PRR16: variants seen among roughly 807,000 people sequenced by gnomAD.
PRR16 encodes protein Largen.
PRR16 carries 6 observed loss-of-function variants against 18.2 expected under a neutral mutation model. The observed-to-expected ratio is 0.33, with a 90% CI of 0.18 to 0.65. PRR16 has a LOEUF of 0.65. Ranked by LOEUF, PRR16 falls within the 30% of genes least tolerant of loss-of-function variation. The pLI is 0.74. For missense variants in PRR16, 412 were observed against 376.6 expected (o/e 1.09, Z -0.78); for synonymous variants, 151 against 147.8 (o/e 1.02, Z -0.16).
the PRR16 span, among the ~76,000 whole-genome samples, chr5:120,739,811 C>T: frequency 6.6e-6 from 1 of 152,032 alleles, no homozygotes; most frequent in Non-Finnish European, 1.5e-5. Flanking sequence ...ATATTTTTAG[C>T]CTTCTAGAAA....
intron 1 of PRR16, among the ~76,000 whole-genome samples, chr5:120,548,005 AT>A (rs1295012426): frequency 6.6e-6 from 1 of 152,080 alleles, no homozygotes; most frequent in Non-Finnish European, 1.5e-5. Flanking sequence ...TAAATTATAG[AT>A]TTAGGATGAG....
intron 1 of PRR16, among the ~76,000 whole-genome samples, chr5:120,520,535 G>C (rs1259968570): frequency 6.6e-6 from 1 of 152,238 alleles, no homozygotes; most frequent in Non-Finnish European, 1.5e-5. Flanking sequence ...CCCAGGGTGA[G>C]AGAAACTCTT....
At chr5:120,756,274 C>A in the PRR16 span, among the ~76,000 whole-genome samples, 6 of 152,054 alleles carry the variant, frequency 3.9e-5, no homozygotes, top group African/African-American at 1.2e-4. Flanking sequence ...CCCTCTGATC[C>A]TTTTGTTACT....
the PRR16 span, among the ~76,000 whole-genome samples, chr5:120,736,311 T>A: frequency 6.6e-6 from 1 of 152,106 alleles, no homozygotes; most frequent in African/African-American, 2.4e-5. Flanking sequence ...GTCACCCAGG[T>A]TGGAGTGCAG....
intron 1 of PRR16, among the ~76,000 whole-genome samples, chr5:120,466,271 C>A (rs79490899): frequency 0.036 from 5,466 of 152,248 alleles, 141 homozygotes; most frequent in Non-Finnish European, 0.049. Context: ...CTTTGGTAGA[C>A]TGTGTTTTCA....
chr5:120,792,042 G>A, the PRR16 span, among the ~76,000 whole-genome samples: 2 of 152,122 alleles, frequency 1.3e-5, no homozygotes, highest in African/African-American at 4.8e-5. Flanking sequence ...CATCCATGAA[G>A]CAATCCATGC....
At chr5:120,716,214 C>T in the PRR16 span, among the ~76,000 whole-genome samples, 5 of 152,132 alleles carry the variant, frequency 3.3e-5, no homozygotes, top group Admixed American at 2.0e-4. Flanking sequence ...TCCAAATCTG[C>T]CACCCTCCTT....
At position 120,630,465 on chromosome 5, in the gene PRR16, C is replaced by T. The variant is rs376001965; in HGVS notation, c.160-55489C>T. Among the ~76,000 whole-genome samples the T allele has an allele frequency of 8.0e-4, 121 of 152,182 alleles. 3 individuals carry two copies. The South Asian group carries it at 0.022, about 28-fold the overall frequency. On this transcript the variant is annotated intron_variant, in intron 1 of 1. Coordinates refer to ENST00000407149, the MANE Select transcript of PRR16 (RefSeq NM_001300783.2). ...ACTTTCATCTACTCTGGCAGATGTT[C>T]CTGTGCTATTGCTACAGTCCACTGC...
intron 1 of PRR16, among the ~76,000 whole-genome samples, chr5:120,475,723 A>G (rs1045101644): frequency 1.1e-4 from 16 of 152,122 alleles, no homozygotes; most frequent in Non-Finnish European, 1.6e-4. Flanking sequence ...GGTGACAGAA[A>G]AAGACTCTGC....
chr5:120,745,731 C>A, the PRR16 span, among the ~76,000 whole-genome samples: 6 of 151,720 alleles, frequency 4.0e-5, no homozygotes, highest in Admixed American at 3.9e-4. Flanking sequence ...TAGAGTCTCA[C>A]TCTGTCACCA....
At chr5:120,747,376 C>T in the PRR16 span, among the ~76,000 whole-genome samples, 4 of 152,252 alleles carry the variant, frequency 2.6e-5, no homozygotes, top group Middle Eastern at 0.01. Flanking sequence ...ACTTTTACTC[C>T]TCTAAGAACC....
rs188844233 is a variant in PRR16, at chr5:120,534,342, T to A, written c.159+69697T>A. On this transcript the variant is annotated intron_variant, in intron 1 of 1. Transcript: ENST00000407149. ...TTTTTGAATATCTTAAAAGATATTA[T>A]ATTTTTCCTTTTATCTGTTACATTC... 1.9e-3 allele frequency among the ~76,000 whole-genome samples: 285 copies of A among 152,316 alleles called. 1 individual carries two copies. Among genetic ancestry groups the A allele is most frequent in the African/African-American group, 6.6e-3 (274 of 41,578 alleles).
chr5:120,488,116 T>A (rs1475008359), intron 1 of PRR16, among the ~76,000 whole-genome samples: 4 of 152,142 alleles, frequency 2.6e-5, no homozygotes, highest in Non-Finnish European at 5.9e-5. Flanking sequence ...TCTCTTTTTT[T>A]GTTATGTCTC....
chr5:120,748,393 T>C, the PRR16 span, among the ~76,000 whole-genome samples: 1 of 152,114 alleles, frequency 6.6e-6, no homozygotes, highest in African/African-American at 2.4e-5. Context: ...TTTTTTTGCA[T>C]GTATAACTTA....
chr5:120,538,778 A>G (rs1304331820), intron 1 of PRR16, among the ~76,000 whole-genome samples: 1 of 152,200 alleles, frequency 6.6e-6, no homozygotes, highest in Non-Finnish European at 1.5e-5. Context: ...TCTTTAAGGT[A>G]TCAGTCATCT....
intron 1 of PRR16, among the ~76,000 whole-genome samples, chr5:120,570,303 A>G (rs1752866110): frequency 6.6e-6 from 1 of 152,094 alleles, no homozygotes; most frequent in Non-Finnish European, 1.5e-5. Flanking sequence ...GTCTGGCACC[A>G]TCCTAAATGG....
intron 1 of PRR16, among the ~76,000 whole-genome samples, chr5:120,511,276 G>T (rs1388335951): frequency 6.6e-6 from 1 of 152,096 alleles, no homozygotes; most frequent in Non-Finnish European, 1.5e-5. Context: ...ATAAAGTTTT[G>T]TCTGTCACTG....
intron 1 of PRR16, among the ~76,000 whole-genome samples, chr5:120,559,855 T>C (rs1353117169): frequency 1.3e-5 from 2 of 151,974 alleles, no homozygotes; most frequent in Non-Finnish European, 2.9e-5. Context: ...TAGTTTTCCT[T>C]GTAGAGATAT....
chr5:120,521,177 G>A (rs925131450), intron 1 of PRR16, among the ~76,000 whole-genome samples: 2 of 152,066 alleles, frequency 1.3e-5, no homozygotes, highest in Non-Finnish European at 2.9e-5. Flanking sequence ...CCCAATGAAA[G>A]GAGCATAACC....
Sources: allele counts gnomAD v4.1 joint callset (sites outside exome capture counted in the v4.1 genomes callset), GRCh38; gene constraint gnomAD v4.1.1; transcripts MANE v1.5; gene names NCBI Gene and HGNC (gene_info 2026-07-23, HGNC 2026-07-21).